Variants in STARD9 observed in about 807,000 individuals in gnomAD.
The protein encoded by STARD9 is stAR-related lipid transfer protein 9.
A neutral mutation model predicts 399.8 loss-of-function variants in STARD9; 346 were observed. The ratio of observed to expected loss-of-function variants is 0.87; its 90% confidence interval spans 0.79 to 0.95. The LOEUF is 0.95. Among genes scored for constraint, STARD9 ranks in the 40% least tolerant of loss-of-function variants. The pLI is 0.00. For missense variants in STARD9, 5,832 were observed against 5,667.5 expected (o/e 1.03, Z -0.93); for synonymous variants, 2,203 against 2,143.5 (o/e 1.03, Z -0.77).
intron 3 of STARD9, among the ~76,000 whole-genome samples, chr15:42,600,258 A>G (rs937871864): frequency 2.6e-5 from 4 of 152,190 alleles, no homozygotes. Context: ...TATATAGGAC[A>G]TGTCATCACT....
At chr15:42,614,413 T>A (rs901062164) in intron 3 of STARD9, among the ~76,000 whole-genome samples, 1 of 152,102 alleles carries the variant, frequency 6.6e-6, no homozygotes, top group African/African-American at 2.4e-5. Flanking sequence ...CAAAACCGAA[T>A]GGCCCAAAAA....
chr15:42,597,514 C>A (rs768616981), intron 3 of STARD9, among the ~76,000 whole-genome samples: 3 of 151,740 alleles, frequency 2.0e-5, no homozygotes, highest in Non-Finnish European at 4.4e-5. Context: ...ATTACAGGTG[C>A]CTGCCACCAT....
intron 9 of STARD9, among the ~76,000 whole-genome samples, chr15:42,659,245 A>G (rs1292475085): frequency 1.3e-5 from 2 of 152,236 alleles, no homozygotes; most frequent in Non-Finnish European, 2.9e-5. Context: ...CCGTAAGAAA[A>G]CAACTCAAAA....
At chr15:42,678,227 T>G (rs533148398) in intron 20 of STARD9, among the ~76,000 whole-genome samples, 5 of 152,190 alleles carry the variant, frequency 3.3e-5, no homozygotes, top group African/African-American at 1.2e-4. Flanking sequence ...AAATATAAAT[T>G]GTCAGCTGGG....
chr15:42,688,164 A>C lies in STARD9; in HGVS notation c.6586A>C (p.Thr2196Pro). 1 of 1,537,450 alleles carries C rather than the reference A, an allele frequency of 6.5e-7. No homozygotes were observed. Among genetic ancestry groups the C allele is most frequent in the Non-Finnish European group, 8.7e-7 (1 of 1,146,960 alleles). Residue 2196 changes from threonine to proline, a missense_variant, in exon 23 of 33, where the codon ACT becomes CCT. Thr to Pro is a conservative substitution (Grantham distance 38). This residue lies in a region of STARD9 where 5,828 missense variants were observed against 5,651.1 expected (regional missense o/e 1.03). Transcript: ENST00000290607. ...CACAACTTGCAGAGAGTTCACCAAC[A>C]CTTCTCTTCACCCACAGAGAATGAA... ...KHTTCREFTN[T>P]SLHPQRMKAL...
intron 13 of STARD9, among the ~76,000 whole-genome samples, chr15:42,664,762 G>A (rs1348227211): frequency 6.6e-6 from 1 of 150,548 alleles, no homozygotes; most frequent in Non-Finnish European, 1.5e-5. Context: ...GAGAGTGTAT[G>A]AATTCATTGG....
At chr15:42,710,418 T>C (rs2061189604) in intron 26 of STARD9, among the ~76,000 whole-genome samples, 1 of 152,120 alleles carries the variant, frequency 6.6e-6, no homozygotes, top group African/African-American at 2.4e-5. Context: ...CTTTAGTATA[T>C]TCATAGAGTT....
intron 3 of STARD9, among the ~76,000 whole-genome samples, chr15:42,606,172 A>T (rs901703855): frequency 2.0e-5 from 3 of 152,152 alleles, no homozygotes; most frequent in Non-Finnish European, 2.9e-5. Flanking sequence ...AACCCTGTAA[A>T]GTGGGTTAGT....
Position 42,688,756 on chromosome 15 carries a change from A to C in STARD9, c.7178A>C (p.Glu2393Ala). 1 of 1,537,706 alleles carries C rather than the reference A, an allele frequency of 6.5e-7. No individual in the cohort carries two copies. Among genetic ancestry groups the C allele is most frequent in the East Asian group, 2.4e-5 (1 of 40,910 alleles). ...QSTETRSHSP[E>A]GNVRGRSSEA... ...ACGGAGACCAGAAGCCACAGCCCCG[A>C]AGGAAATGTTAGAGGGCGTTCCTCT... is the stretch of plus-strand genomic sequence containing the variant. The change falls in exon 23 of 33, where the codon GAA becomes GCA. Residue 2393 changes from glutamate (E) to alanine (A), a missense_variant. Physicochemically the swap from Glu to Ala is moderately radical, Grantham distance 107. This residue lies in a region of STARD9 where 5,828 missense variants were observed against 5,651.1 expected (regional missense o/e 1.03). Transcript: ENST00000290607.
At position 42,686,717 on chromosome 15, in the gene STARD9, A is replaced by C; in HGVS notation, c.5139A>C (p.Ile1713=). ...CTAAGGAAGCAGTTAGAAGACACAT[A>C]AATGTTTCCTTTGCCCTTCCTTCAG... The part of the protein sequence containing the change: ...ESSKEAVRRH[I]NVSFALPSGP... Residue 1713 remains isoleucine (I), a synonymous_variant, in exon 23 of 33, where the codon ATA becomes ATC. Coordinates refer to ENST00000290607, the MANE Select transcript of STARD9 (RefSeq NM_020759.3). The C allele has an allele frequency of 6.5e-7, 1 of 1,537,654 alleles. No homozygotes were observed. Among genetic ancestry groups the C allele is most frequent in the Non-Finnish European group, 8.7e-7 (1 of 1,147,006 alleles).
chr15:42,681,712 A>G, intron 21 of STARD9, 100 bp downstream of exon 21: 5 of 1,105,764 alleles, frequency 4.5e-6, no homozygotes, highest in Non-Finnish European at 5.0e-6. Context: ...TCTTTGTGAT[A>G]TGATGGAATC....
Position 42,692,421 on chromosome 15 carries a change from G to C in STARD9, c.10843G>C (p.Val3615Leu). Residue 3615 changes from valine (V) to leucine (L), a missense_variant, in exon 23 of 33, where the codon GTG (valine) becomes CTG (leucine). Physicochemically the swap from Val to Leu is conservative, Grantham distance 32. Around this residue, in one of 2 missense-constraint regions of STARD9, gnomAD observed 5,828 missense variants for 5,651.1 expected, o/e 1.03. Transcript: ENST00000290607. Reference sequence around the variant, plus strand: ...GGCCAAAGGAAGTGCTGCAGGTCCAGTGGATGAGATTATGCTGCTGTATCC... The same window carrying C: ...GGCCAAAGGAAGTGCTGCAGGTCCACTGGATGAGATTATGCTGCTGTATCC... ...PLAKGSAAGP[V>L]DEIMLLYPSE... 4 of 1,537,108 alleles carry C rather than the reference G, an allele frequency of 2.6e-6. No individual in the cohort carries two copies. The highest frequency in any genetic ancestry group is 3.5e-6 in the Non-Finnish European group (4 of 1,146,922).
At chr15:42,613,648 T>C (rs890387554) in intron 3 of STARD9, among the ~76,000 whole-genome samples, 3 of 152,160 alleles carry the variant, frequency 2.0e-5, no homozygotes, top group African/African-American at 7.2e-5. Context: ...CTGTTGTCAT[T>C]ATTGACTTCT....
chr15:42,689,513 C>T lies in STARD9; in HGVS notation c.7935C>T (p.Asp2645=). The T allele has an allele frequency of 2.0e-6, 3 of 1,537,276 alleles. No individual in the cohort carries two copies. Among genetic ancestry groups the T allele is most frequent in the South Asian group, 2.4e-5 (2 of 84,060 alleles). ...RKVQATSLSA[D]SFESLPNTET... is the part of the protein sequence containing the mutation. ...TCCAGGCCACATCTCTGTCTGCAGA[C>T]AGCTTTGAATCTCTGCCCAATACGG... is the stretch of plus-strand genomic sequence containing the variant. Residue 2645 remains aspartate (D), a synonymous_variant, in exon 23 of 33, where the codon GAC becomes GAT. Transcript: ENST00000290607.
rs2060591749 is a variant in STARD9 at position 42,687,573 on chromosome 15, A to G, written c.5995A>G (p.Thr1999Ala). The change falls in exon 23 of 33, where the codon ACA becomes GCA. Residue 1999 changes from threonine (T) to alanine (A), a missense_variant. Transcript: ENST00000290607. ...CTCAGAAGAGTTTAAGCTTCCAGGT[A>G]CAAAGCCTGCATATGAAAGGTTCCA... is the stretch of plus-strand genomic sequence containing the variant. ...DSSEEFKLPG[T>A]KPAYERFQLV... 1 of 1,536,992 alleles carries G rather than the reference A, an allele frequency of 6.5e-7. No individual in the cohort carries two copies. Among genetic ancestry groups the G allele is most frequent in the African/African-American group, 1.4e-5 (1 of 73,064 alleles).
chr15:42,639,229 C>T (rs150192451), intron 7 of STARD9, among the ~76,000 whole-genome samples: 3 of 152,238 alleles, frequency 2.0e-5, no homozygotes, highest in Admixed American at 1.3e-4. Flanking sequence ...GTGGAATGGA[C>T]TAGAGCCCTG....
At chr15:42,637,852 G>A in intron 4 of STARD9, 55 bp from the exon 5 acceptor site, 4 of 1,519,670 alleles carry the variant, frequency 2.6e-6, no homozygotes, top group Non-Finnish European at 2.7e-6. Context: ...GTATTCTGTG[G>A]GGGAGAGCAT....
chr15:42,690,364 T>A lies in STARD9; in HGVS notation c.8786T>A (p.Val2929Asp), dbSNP rs1329314011. The change falls in exon 23 of 33, where the codon GTC becomes GAC. Residue 2929 changes from valine (V) to aspartate (D), a missense_variant. Physicochemically the swap from Val to Asp is radical, Grantham distance 152. This residue lies in a region of STARD9 where 5,828 missense variants were observed against 5,651.1 expected (regional missense o/e 1.03). Coordinates refer to ENST00000290607, the MANE Select transcript of STARD9 (RefSeq NM_020759.3). ...RHPREALDGPVFSRNPEGSRT... is the reference protein window; with the variant it reads ...RHPREALDGPDFSRNPEGSRT... ...CCAAGGGAAGCTTTAGATGGCCCTG[T>A]CTTCTCAAGGAACCCTGAAGGCAGC... is the stretch of plus-strand genomic sequence containing the variant. 1 of 1,537,126 alleles carries A rather than the reference T, an allele frequency of 6.5e-7. No individual in the cohort carries two copies. Among genetic ancestry groups the A allele is most frequent in the African/African-American group, 1.4e-5 (1 of 73,030 alleles).
Position 42,575,698 on chromosome 15 carries a change from T to C in STARD9, c.-18T>C. ...CTGCCGCTGAGCTGACCCGCTGGAC[T>C]TGGGTTGTGGCAGACGGATGGCGAA... On this transcript the variant is annotated 5_prime_UTR_variant, in exon 1 of 33. Transcript: ENST00000290607. 1 of 1,536,598 alleles carries C rather than the reference T, an allele frequency of 6.5e-7. No homozygotes were observed. The highest frequency in any genetic ancestry group is 8.7e-7 in the Non-Finnish European group (1 of 1,146,736).
Sources: gnomAD v4.1 joint callset for allele counts (sites outside exome capture counted in the v4.1 genomes callset) on GRCh38, gnomAD v4.1.1 for gene constraint, gnomAD v4.1.1 regional missense constraint, MANE v1.5 for transcripts, NCBI Gene and HGNC (gene_info 2026-07-23, HGNC 2026-07-21) for gene names.